Variants in MYSM1 observed in about 807,000 individuals in gnomAD.
The protein encoded by MYSM1 is Myb like, SWIRM and MPN domains 1, also known as deubiquitinase MYSM1.
MYSM1 carries 51 observed loss-of-function variants against 116.0 expected under a neutral mutation model. The observed-to-expected ratio is 0.44, with a 90% CI of 0.35 to 0.56. The LOEUF (loss-of-function observed/expected upper bound fraction) is 0.56. Among genes scored for constraint, MYSM1 ranks in the 20% least tolerant of loss-of-function variants. The pLI, the probability that MYSM1 is intolerant of heterozygous loss-of-function variation, is 0.00. For synonymous variants in MYSM1, 313 were observed against 315.2 expected (o/e 0.99, Z 0.07); for missense variants, 900 against 974.9 (o/e 0.92, Z 1.02).
At chr1:58,680,637 T>C (rs11207291) in intron 8 of MYSM1, among the ~76,000 whole-genome samples, 27,448 of 152,074 alleles carry the variant, frequency 0.18, 2,720 homozygotes, top group South Asian at 0.29. Flanking sequence ...TGTTTTCCTT[T>C]GGTAACCCTT....
intron 7 of MYSM1, among the ~76,000 whole-genome samples, chr1:58,684,580 GA>G (rs576829954): frequency 0.014 from 1,798 of 132,550 alleles, 13 homozygotes; most frequent in South Asian, 0.027. Context: ...AAAAAAAAAA[GA>G]AAAAAAAAAA....
At chr1:58,699,667 G>GA in intron 1 of MYSM1, 2 of 985,434 alleles carry the variant, frequency 2.0e-6, no homozygotes, top group Non-Finnish European at 2.4e-6. Context: ...TACTGTCGAT[G>GA]AGATCCTGAA....
At chr1:58,669,390 G>GA (rs1448014319) in intron 12 of MYSM1, among the ~76,000 whole-genome samples, 1 of 152,152 alleles carries the variant, frequency 6.6e-6, no homozygotes, top group African/African-American at 2.4e-5. Flanking sequence ...AAAGGTTCAA[G>GA]AAAGATGGAA....
At chr1:58,685,396 C>G (rs963450596) in intron 6 of MYSM1, 145 bp from the exon 7 acceptor site, 6 of 490,840 alleles carry the variant, frequency 1.2e-5, no homozygotes, top group African/African-American at 1.2e-4. Context: ...TCTATATAGA[C>G]TATGCTCTTA....
rs908724955 is a variant in MYSM1, at chr1:58,655,279, C to G, written c.*4718G>C. On this transcript the variant is annotated 3_prime_UTR_variant, in exon 20 of 20. Transcript: ENST00000472487. ...CTATGAAAACATATTTAACTGACTT[C>G]TTAAGAGACGAGGAAATGTCAAAAA... 1 of 151,504 alleles carries G rather than the reference C, an allele frequency of 6.6e-6. No homozygotes were observed. Among genetic ancestry groups the G allele is most frequent in the Non-Finnish European group, 1.5e-5 (1 of 67,906 alleles). 9.4% of individuals were successfully genotyped at this position (151,504 alleles called of 1,614,324 possible). A position where few individuals can be genotyped will look rare whatever the true frequency, so the allele number is the denominator to read the frequency against.
chr1:58,697,067 C>T (rs1036371904), intron 1 of MYSM1, among the ~76,000 whole-genome samples: 4 of 152,116 alleles, frequency 2.6e-5, no homozygotes, highest in Non-Finnish European at 5.9e-5. Context: ...CTTATAGCTA[C>T]AGGACAATGT....
chr1:58,698,102 A>ATATATATATATATATTTTTTT, intron 1 of MYSM1, among the ~76,000 whole-genome samples: 2 of 7,770 alleles, frequency 2.6e-4, no homozygotes, highest in African/African-American at 5.1e-4. Flanking sequence ...ATATATATAT[A>ATATATATATATATATTTTTTT]TTTTTTTTTT....
Position 58,699,999 on chromosome 1 carries a change from C to T in MYSM1, c.54G>A (p.Ala18=), listed in dbSNP as rs758084487. The T allele has an allele frequency of 6.2e-7, 1 of 1,613,614 alleles. No homozygotes were observed. The highest frequency in any genetic ancestry group is 8.5e-7 in the Non-Finnish European group (1 of 1,180,006). ...VDIEGDVVAA[A]GAQPGSGENT... is the part of the protein sequence containing the mutation. ...CTAAGCCTCACCCTGGCTGTGCCCCCGCCGCCGCTACCACGTCCCCTTCGA... is the reference window on the plus strand; with the variant it reads ...CTAAGCCTCACCCTGGCTGTGCCCCTGCCGCCGCTACCACGTCCCCTTCGA... Residue 18 remains alanine, a synonymous_variant, in exon 1 of 20, where the codon GCG becomes GCA. Coordinates refer to ENST00000472487, the MANE Select transcript of MYSM1 (RefSeq NM_001085487.3).
chr1:58,671,416 G>A (rs1644558923), intron 12 of MYSM1, among the ~76,000 whole-genome samples: 1 of 152,102 alleles, frequency 6.6e-6, no homozygotes, highest in Admixed American at 6.5e-5. Flanking sequence ...TCTATTCAAT[G>A]GGGCATCTGC....
At chr1:58,662,191 A>G (rs1644402570) in intron 17 of MYSM1, among the ~76,000 whole-genome samples, 1 of 152,074 alleles carries the variant, frequency 6.6e-6, no homozygotes, top group South Asian at 2.1e-4. Flanking sequence ...TTGTTATACT[A>G]AACTCTGGAG....
At position 58,661,502 on chromosome 1, in the gene MYSM1, T is replaced by C; in HGVS notation, c.2174A>G (p.Tyr725Cys). 1 of 1,591,718 alleles carries C rather than the reference T, an allele frequency of 6.3e-7. No homozygotes were observed. Among genetic ancestry groups the C allele is most frequent in the Non-Finnish European group, 8.6e-7 (1 of 1,160,846 alleles). Residue 725 changes from tyrosine (Y) to cysteine (C), a missense_variant, in exon 18 of 20, where the codon TAC becomes TGC. Transcript: ENST00000472487. Reference protein sequence around the residue: ...ISPDGSYRLPYKFEVQQMLEE... With the variant: ...ISPDGSYRLPCKFEVQQMLEE... ...TAACATCTGCTGTACTTCAAATTTG[T>C]AAGGTAAGCCTAGAAAAGCATAAAG...
At chr1:58,676,214 C>T (rs1483605363) in intron 9 of MYSM1, among the ~76,000 whole-genome samples, 7 of 151,564 alleles carry the variant, frequency 4.6e-5, no homozygotes, top group Non-Finnish European at 7.4e-5. Flanking sequence ...GTCAGGAGTT[C>T]GAGACCAGCC....
In MYSM1 at chr1:58,673,659, A is replaced by G; in HGVS notation, c.1495-9T>C. 2 of 1,612,994 alleles carry G rather than the reference A, an allele frequency of 1.2e-6. No homozygotes were observed. Among genetic ancestry groups the G allele is most frequent in the Non-Finnish European group, 1.7e-6 (2 of 1,179,162 alleles). On this transcript the variant is annotated splice_polypyrimidine_tract_variant and intron_variant, in intron 10 of 19. Coordinates refer to ENST00000472487, the MANE Select transcript of MYSM1 (RefSeq NM_001085487.3). ...CTACGTCTCCTTGTACGCTGCGATG[A>G]GATTAAAGTAAAGCAAAAGGTAGCA...
chr1:58,699,770 G>C (rs1354056661), intron 1 of MYSM1: 21 of 985,328 alleles, frequency 2.1e-5, no homozygotes, highest in Non-Finnish European at 2.4e-5. Flanking sequence ...AAAGGTGAAA[G>C]CGACCCAGGA....
chr1:58,683,220 T>C (rs1339413243), intron 7 of MYSM1, among the ~76,000 whole-genome samples: 2 of 152,228 alleles, frequency 1.3e-5, no homozygotes, highest in Non-Finnish European at 2.9e-5. Context: ...ATCAACTGTA[T>C]GGAATAAACC....
chr1:58,680,559 C>T (rs1644723682), intron 8 of MYSM1, among the ~76,000 whole-genome samples: 1 of 152,162 alleles, frequency 6.6e-6, no homozygotes, highest in Admixed American at 6.5e-5. Context: ...AAGAATACAG[C>T]CATCTTTAAA....
At position 58,657,282 on chromosome 1, in the gene MYSM1, T is replaced by C. The variant is rs1050696007; in HGVS notation, c.*2715A>G. On this transcript the variant is annotated 3_prime_UTR_variant, in exon 20 of 20. Coordinates refer to ENST00000472487, the MANE Select transcript of MYSM1 (RefSeq NM_001085487.3). ...TCATTATTTTATAGTCATTGTGCAA[T>C]AACAAAGACAGAATCAGGATGAAGA... 3 of 151,714 alleles carry C rather than the reference T, an allele frequency of 2.0e-5. No individual in the cohort carries two copies. Among genetic ancestry groups the C allele is most frequent in the African/African-American group, 7.3e-5 (3 of 41,266 alleles). The allele number at this position is 151,714 out of a possible 1,614,324, so 9.4% of individuals were successfully genotyped here.
chr1:58,656,643 C>T lies in MYSM1; in HGVS notation c.*3354G>A, dbSNP rs530792981. The T allele has an allele frequency of 2.0e-5, 3 of 152,270 alleles. No individual in the cohort carries two copies. The highest frequency in any genetic ancestry group is 1.9e-4 in the East Asian group (1 of 5,178). 9.4% of individuals were successfully genotyped at this position (152,270 alleles called of 1,614,324 possible). Reference sequence around the variant, plus strand: ...AAGTTCAAGTCTATAGATCTATAACCGTGGAAACTGCAGTGCTCCTGGATG... The same window carrying T: ...AAGTTCAAGTCTATAGATCTATAACTGTGGAAACTGCAGTGCTCCTGGATG... On this transcript the variant is annotated 3_prime_UTR_variant, in exon 20 of 20. Coordinates refer to ENST00000472487, the MANE Select transcript of MYSM1 (RefSeq NM_001085487.3).
At position 58,655,284 on chromosome 1, in the gene MYSM1, G is replaced by C. The variant is rs1276796228; in HGVS notation, c.*4713C>G. The C allele has an allele frequency of 2.0e-5, 3 of 150,698 alleles. No individual in the cohort carries two copies. The highest frequency in any genetic ancestry group is 4.4e-5 in the Non-Finnish European group (3 of 67,768). The allele number at this position is 150,698 out of a possible 1,614,324, so 9.3% of individuals were successfully genotyped here. The stretch of plus-strand genomic sequence containing the variant: ...AAAACATATTTAACTGACTTCTTAA[G>C]AGACGAGGAAATGTCAAAAATAGCA... On this transcript the variant is annotated 3_prime_UTR_variant, in exon 20 of 20. Coordinates refer to ENST00000472487, the MANE Select transcript of MYSM1 (RefSeq NM_001085487.3).
Sources: allele counts gnomAD v4.1 joint callset (sites outside exome capture counted in the v4.1 genomes callset), GRCh38; gene constraint gnomAD v4.1.1; transcripts MANE v1.5; gene names NCBI Gene and HGNC (gene_info 2026-07-23, HGNC 2026-07-21).